Variants in TBC1D30 observed in about 807,000 individuals in gnomAD.
The protein encoded by TBC1D30 is TBC1 domain family member 30.
A neutral mutation model predicts 63.2 loss-of-function variants in TBC1D30; 31 were observed. The observed-to-expected ratio is 0.49, with a 90% CI of 0.37 to 0.66. The LOEUF (loss-of-function observed/expected upper bound fraction) is 0.66, where lower values mean the gene tolerates loss of function less well. Among genes scored for constraint, TBC1D30 ranks in the 30% least tolerant of loss-of-function variants. The probability of loss-of-function intolerance (pLI) is 0.00; values close to 1 mark genes in which losing one functional copy is unlikely to be tolerated. For synonymous variants in TBC1D30, 307 were observed against 361.5 expected (o/e 0.85, Z 1.71); for missense variants, 810 against 953.6 (o/e 0.85, Z 1.98).
intron 8 of TBC1D30, among the ~76,000 whole-genome samples, chr12:64,856,840 C>T (rs1369423769): frequency 1.3e-5 from 2 of 152,130 alleles, no homozygotes; most frequent in Non-Finnish European, 2.9e-5. Context: ...CTCCCCATAC[C>T]ACAGGCAGAA....
At chr12:64,868,994 C>T (rs1878442533) in intron 10 of TBC1D30, among the ~76,000 whole-genome samples, 1 of 151,342 alleles carries the variant, frequency 6.6e-6, no homozygotes, top group African/African-American at 2.4e-5. Context: ...TTTTTCTAAA[C>T]AGAATAGAAT....
At chr12:64,870,223 ATGCCGTTG>A (rs1878544560) in intron 10 of TBC1D30, among the ~76,000 whole-genome samples, 1 of 152,202 alleles carries the variant, frequency 6.6e-6, no homozygotes, top group Non-Finnish European at 1.5e-5. Flanking sequence ...ATAAATCCTC[ATGCCGTTG>A]TGTGGAAATC....
intron 11 of TBC1D30, among the ~76,000 whole-genome samples, chr12:64,872,767 C>T (rs1486771294): frequency 6.6e-6 from 1 of 152,158 alleles, no homozygotes; most frequent in Non-Finnish European, 1.5e-5. Context: ...CTGGGGAGGC[C>T]TCACAATCAT....
At chr12:64,791,722 GT>G (rs58331507) in intron 2 of TBC1D30, among the ~76,000 whole-genome samples, 2 of 150,262 alleles carry the variant, frequency 1.3e-5, no homozygotes, top group African/African-American at 4.9e-5. Context: ...ATATATATAT[GT>G]TTTTTTTAAT....
In TBC1D30 at chr12:64,810,807, T is replaced by C. The variant is rs1043552490; in HGVS notation, c.644-17028T>C. Among the ~76,000 whole-genome samples, 6 of 152,240 alleles carry C rather than the reference T, an allele frequency of 3.9e-5. No individual in the cohort carries two copies. The South Asian group carries it at 8.3e-4, about 21-fold the overall frequency. On this transcript the variant is annotated intron_variant, in intron 2 of 12. Transcript: ENST00000542120. ...TTCTTCTCCTGGGAATTCCTCCTGA[T>C]AATCTTTTCCTCTAGGCTCTACTAA...
At chr12:64,861,626 AT>A (rs149614238) in intron 8 of TBC1D30, among the ~76,000 whole-genome samples, 7,167 of 151,308 alleles carry the variant, frequency 0.047, 556 homozygotes, top group African/African-American at 0.16. Flanking sequence ...TGTTTGTTTG[AT>A]TTTTTTTTAA....
At chr12:64,780,890 C>G in exon 1 of TBC1D30, 1 of 1,026,028 alleles carries the variant, frequency 9.7e-7, no homozygotes, top group African/African-American at 1.7e-5. Context: ...CGAGGCGAGG[C>G]TGGAGAGTCA....
intron 9 of TBC1D30, among the ~76,000 whole-genome samples, chr12:64,865,180 T>C (rs11175576): frequency 0.035 from 5,308 of 150,270 alleles, 320 homozygotes; most frequent in African/African-American, 0.12. Context: ...TGAAAAGTTA[T>C]ACTGTTTGGT....
intron 7 of TBC1D30, among the ~76,000 whole-genome samples, chr12:64,842,955 GA>G (rs1876013743): frequency 6.6e-6 from 1 of 152,134 alleles, no homozygotes; most frequent in African/African-American, 2.4e-5. Context: ...CAAATATCAG[GA>G]TTTTGATATT....
At chr12:64,780,837 G>T (rs958208131) in exon 1 of TBC1D30, 227 of 997,474 alleles carry the variant, frequency 2.3e-4, no homozygotes, top group South Asian at 8.7e-4. Context: ...GGCGGGGGCC[G>T]CCCGGGGCTC....
intron 7 of TBC1D30, among the ~76,000 whole-genome samples, chr12:64,840,446 G>A (rs544863678): frequency 6.6e-6 from 1 of 152,294 alleles, no homozygotes; most frequent in East Asian, 1.9e-4. Context: ...TTAATCTGTA[G>A]GATCAGAATT....
At position 64,868,747 on chromosome 12, in the gene TBC1D30, A is replaced by G. The variant is rs555911438; in HGVS notation, c.1291+1844A>G. Reference sequence around the variant, plus strand: ...TCTTCCCTTTGGAAAAAACCAGAACAAGTCTACTTACTCCCTCTTCTACCT... The same window carrying G: ...TCTTCCCTTTGGAAAAAACCAGAACGAGTCTACTTACTCCCTCTTCTACCT... On this transcript the variant is annotated intron_variant, in intron 10 of 11. Coordinates refer to ENST00000539867, the MANE Select transcript of TBC1D30 (RefSeq NM_015279.2). 30 of 190,860 alleles carry G rather than the reference A, an allele frequency of 1.6e-4. No individual in the cohort carries two copies. In the East Asian group the frequency reaches 4.4e-3, roughly 28 times the overall value. The allele number at this position is 190,860 out of a possible 1,614,324, so 11.8% of individuals were successfully genotyped here. A position where few individuals can be genotyped will look rare whatever the true frequency, so the allele number is the denominator to read the frequency against.
At chr12:64,866,998 G>A in intron 10 of TBC1D30, 95 bp downstream of exon 10, 2 of 1,375,808 alleles carry the variant, frequency 1.5e-6, no homozygotes, top group Non-Finnish European at 2.0e-6. Context: ...GTAACTTTCT[G>A]AACTGGTTAC....
chr12:64,767,006 G>A (rs1263149356), intron 1 of TBC1D30, among the ~76,000 whole-genome samples: 1 of 152,018 alleles, frequency 6.6e-6, no homozygotes, highest in Non-Finnish European at 1.5e-5. Context: ...GAATGAATAT[G>A]AATACACAGC....
chr12:64,809,663 C>G (rs1028283329), intron 2 of TBC1D30, among the ~76,000 whole-genome samples: 5 of 152,242 alleles, frequency 3.3e-5, no homozygotes, highest in Non-Finnish European at 7.3e-5. Flanking sequence ...CTCGAACTAT[C>G]CGCCTTCTGG....
chr12:64,876,862 G>C lies in TBC1D30; in HGVS notation c.*1074G>C. On this transcript the variant is annotated 3_prime_UTR_variant, in exon 12 of 12. Transcript: ENST00000539867. ...TCTCTCACCCAGCGGGTCAGGGATA[G>C]CACCTCTTGTCTCCACTATGCAGAT... The C allele has an allele frequency of 2.2e-6, 1 of 456,086 alleles. No individual in the cohort carries two copies. The highest frequency in any genetic ancestry group is 2.0e-5 in the African/African-American group (1 of 50,198). The allele number at this position is 456,086 out of a possible 1,614,324, so 28.3% of individuals were successfully genotyped here.
chr12:64,762,156 G>A (rs1870540504), intron 1 of TBC1D30, among the ~76,000 whole-genome samples: 1 of 152,164 alleles, frequency 6.6e-6, no homozygotes, highest in South Asian at 2.1e-4. Context: ...GAGTATTGGG[G>A]TGGTGGAATG....
intron 2 of TBC1D30, among the ~76,000 whole-genome samples, chr12:64,814,239 G>A (rs573678982): frequency 1.3e-5 from 2 of 152,188 alleles, no homozygotes; most frequent in South Asian, 2.1e-4. Flanking sequence ...TAGAGACGGG[G>A]CTGTGCCATG....
intron 2 of TBC1D30, among the ~76,000 whole-genome samples, chr12:64,786,886 T>C (rs1214006750): frequency 6.6e-6 from 1 of 151,372 alleles, no homozygotes; most frequent in Non-Finnish European, 1.5e-5. Context: ...GAGGTTGCAG[T>C]GAACCGAGAT....
Sources: gnomAD v4.1 joint callset for allele counts (sites outside exome capture counted in the v4.1 genomes callset) on GRCh38, gnomAD v4.1.1 for gene constraint, MANE v1.5 for transcripts, NCBI Gene and HGNC (gene_info 2026-07-23, HGNC 2026-07-21) for gene names.